ERBB4: variants seen among roughly 807,000 people sequenced by gnomAD.
ERBB4 encodes receptor tyrosine-protein kinase erbB-4.
Under a neutral mutation model 158.0 loss-of-function variants are expected in ERBB4, and 42 were observed. The ratio of observed to expected loss-of-function variants is 0.27; its 90% CI spans 0.21 to 0.34. ERBB4 has a LOEUF of 0.34. Among genes scored for constraint, ERBB4 ranks in the 10% least tolerant of loss-of-function variants. The pLI, the probability that ERBB4 is intolerant of heterozygous loss-of-function variation, is 1.00. For synonymous variants in ERBB4, 583 were observed against 558.7 expected, an observed-to-expected ratio of 1.04 and a Z score of -0.61; for missense variants, 1,333 against 1,624.1, an observed-to-expected ratio of 0.82 and a Z score of 3.08.
At chr2:212,369,660 G>A (rs2106380342) in intron 1 of ERBB4, among the ~76,000 whole-genome samples, 1 of 152,130 alleles carries the variant, frequency 6.6e-6, no homozygotes, top group East Asian at 1.9e-4. Flanking sequence ...CTCTCTAGCA[G>A]TCTAGTAATA....
At chr2:211,888,891 G>A (rs1195166397) in intron 3 of ERBB4, among the ~76,000 whole-genome samples, 2 of 151,784 alleles carry the variant, frequency 1.3e-5, no homozygotes. Context: ...CTGGCTCGGA[G>A]GGTCCTACGC....
chr2:212,032,638 A>T (rs566159558), intron 2 of ERBB4, among the ~76,000 whole-genome samples: 1 of 152,098 alleles, frequency 6.6e-6, no homozygotes, highest in East Asian at 1.9e-4. Flanking sequence ...AGAAAATTAC[A>T]TTTTTCTTTG....
rs114965306 is a variant in ERBB4 at position 211,995,365 on chromosome 2, G to A, written c.235-47749C>T. 5.8e-3 allele frequency among the ~76,000 whole-genome samples: 880 copies of A among 152,200 alleles called. 8 individuals are homozygous for A. Among genetic ancestry groups the A allele is most frequent in the African/African-American group, 0.02 (824 of 41,536 alleles). ...TGCAATAGTTCTTATGTGTAAATTCGTTTAAAGTTTCTCAACGGCTTTTCA... is the reference window on the plus strand; with the variant it reads ...TGCAATAGTTCTTATGTGTAAATTCATTTAAAGTTTCTCAACGGCTTTTCA... On this transcript the variant is annotated intron_variant, in intron 2 of 27. Coordinates refer to ENST00000342788, the MANE Select transcript of ERBB4 (RefSeq NM_005235.3).
At chr2:212,504,704 T>C (rs1691090583) in intron 1 of ERBB4, among the ~76,000 whole-genome samples, 1 of 152,176 alleles carries the variant, frequency 6.6e-6, no homozygotes, top group Non-Finnish European at 1.5e-5. Context: ...GCCCAGCGAT[T>C]TAAAATTTTA....
At chr2:211,596,473 C>G (rs558422814) in intron 19 of ERBB4, among the ~76,000 whole-genome samples, 5 of 152,220 alleles carry the variant, frequency 3.3e-5, no homozygotes, top group African/African-American at 1.2e-4. Context: ...TTTAAGAAAG[C>G]AACAACATAA....
chr2:211,982,734 C>A (rs1028413726), intron 2 of ERBB4, among the ~76,000 whole-genome samples: 3 of 152,080 alleles, frequency 2.0e-5, no homozygotes, highest in Non-Finnish European at 4.4e-5. Flanking sequence ...TCATAGAGGT[C>A]CAAGTTAATC....
chr2:211,414,108 C>A (rs757164052), intron 25 of ERBB4, among the ~76,000 whole-genome samples: 1 of 152,024 alleles, frequency 6.6e-6, no homozygotes, highest in South Asian at 2.1e-4. Context: ...CTCTGGGGAC[C>A]CTTCCCTATC....
intron 20 of ERBB4, among the ~76,000 whole-genome samples, chr2:211,448,467 T>TAC (rs3067955): frequency 0.1 from 15,152 of 149,516 alleles, 780 homozygotes; most frequent in Middle Eastern, 0.12. Context: ...CCCAAACAGA[T>TAC]ACACACACAC....
rs1358086743 is a variant in ERBB4, at chr2:212,355,792, G to A, written c.82+182657C>T. On this transcript the variant is annotated intron_variant, in intron 1 of 27. Coordinates refer to ENST00000342788, the MANE Select transcript of ERBB4 (RefSeq NM_005235.3). The stretch of plus-strand genomic sequence containing the variant: ...TATTTATGTATATATGTATATGCAT[G>A]TATGTATATATGTGTGTATGTGTGA... Among the ~76,000 whole-genome samples the A allele has an allele frequency of 5.9e-5, 9 of 151,808 alleles. No individual in the cohort carries two copies. The Admixed American group carries it at 5.9e-4, about 10-fold the overall frequency.
intron 1 of ERBB4, among the ~76,000 whole-genome samples, chr2:212,474,324 A>C (rs188577891): frequency 2.6e-5 from 4 of 152,240 alleles, no homozygotes; most frequent in African/African-American, 9.6e-5. Flanking sequence ...AACGAGTAAT[A>C]AGGTTCAAAG....
chr2:211,920,484 C>A (rs1010943456), intron 3 of ERBB4, among the ~76,000 whole-genome samples: 2 of 151,936 alleles, frequency 1.3e-5, no homozygotes, highest in Non-Finnish European at 2.9e-5. Context: ...TTACTCCCAA[C>A]ATACAGCCAA....
At position 211,657,916 on chromosome 2, in the gene ERBB4, G is replaced by T. The variant is rs747416826; in HGVS notation, c.1872-88C>A. The T allele has an allele frequency of 4.3e-6, 7 of 1,609,676 alleles. No homozygotes were observed. The Admixed American group carries it at 1.2e-4, about 27-fold the overall frequency. On this transcript the variant is annotated intron_variant, in intron 15 of 27. Coordinates refer to ENST00000342788, the MANE Select transcript of ERBB4 (RefSeq NM_005235.3). Reference sequence around the variant, plus strand: ...ACCAGTGCTCACACATGGAGCCTTGGAGGAAGAACATGGGAAGCAAGCACA... The same window carrying T: ...ACCAGTGCTCACACATGGAGCCTTGTAGGAAGAACATGGGAAGCAAGCACA...
chr2:211,384,846 T>C (rs1253073569), intron 27 of ERBB4, among the ~76,000 whole-genome samples: 2 of 152,122 alleles, frequency 1.3e-5, no homozygotes, highest in Admixed American at 1.3e-4. Flanking sequence ...AGTGCCTATT[T>C]TGTACGGATC....
chr2:212,089,447 C>A (rs1235560864), intron 2 of ERBB4, among the ~76,000 whole-genome samples: 1 of 152,148 alleles, frequency 6.6e-6, no homozygotes, highest in Non-Finnish European at 1.5e-5. Context: ...CAAATTGTAA[C>A]CCCCAATGTT....
chr2:212,341,226 A>G (rs928276837), intron 1 of ERBB4, among the ~76,000 whole-genome samples: 3 of 151,798 alleles, frequency 2.0e-5, no homozygotes, highest in Non-Finnish European at 4.4e-5. Flanking sequence ...ATATAAAAAT[A>G]TAAGTATTAT....
intron 4 of ERBB4, among the ~76,000 whole-genome samples, chr2:211,772,888 C>T (rs1467797683): frequency 1.1e-5 from 1 of 88,180 alleles, no homozygotes; most frequent in Non-Finnish European, 2.1e-5. Flanking sequence ...TATATATACA[C>T]ACACACACAC....
intron 3 of ERBB4, among the ~76,000 whole-genome samples, chr2:211,820,421 AG>A (rs1416990575): frequency 6.6e-6 from 1 of 151,934 alleles, no homozygotes; most frequent in East Asian, 1.9e-4. Flanking sequence ...GACAAGTAAC[AG>A]GTTTGAATCA....
rs576951854 is a variant in ERBB4 at position 211,400,038 on chromosome 2, A to G, written c.3136-12046T>C. 6.6e-5 allele frequency among the ~76,000 whole-genome samples: 10 copies of G among 152,304 alleles called. No individual in the cohort carries two copies. The South Asian group carries it at 1.4e-3, about 22-fold the overall frequency. ...CTAAATGCTACAGAAAATCAAACTTATAAGTCAATGAAATTCTAAATCAAA... is the reference window on the plus strand; with the variant it reads ...CTAAATGCTACAGAAAATCAAACTTGTAAGTCAATGAAATTCTAAATCAAA... On this transcript the variant is annotated intron_variant, in intron 25 of 27. Coordinates refer to ENST00000342788, the MANE Select transcript of ERBB4 (RefSeq NM_005235.3).
At chr2:212,223,330 G>A (rs1389147364) in intron 1 of ERBB4, among the ~76,000 whole-genome samples, 1 of 73,854 alleles carries the variant, frequency 1.4e-5, no homozygotes, top group South Asian at 5.7e-4. Flanking sequence ...TCCTTATTAA[G>A]CTTATATATA....
Sources: gnomAD v4.1 joint callset for allele counts (sites outside exome capture counted in the v4.1 genomes callset) on GRCh38, gnomAD v4.1.1 for gene constraint, MANE v1.5 for transcripts, NCBI Gene and HGNC (gene_info 2026-07-23, HGNC 2026-07-21) for gene names.